The following EYS variants were observed in gnomAD, a reference collection of about 807,000 sequenced individuals.
EYS encodes the protein EGF-like photoreceptor maintenance factor.
EYS carries 250 observed loss-of-function variants against 282.1 expected under a neutral mutation model. The observed-to-expected ratio is 0.89, with a 90% CI of 0.80 to 0.98. EYS has a LOEUF of 0.98. EYS is among the 50% of genes least tolerant of loss of function. The pLI, the probability that EYS is intolerant of heterozygous loss-of-function variation, is 0.00. For missense variants in EYS, 4,016 were observed against 3,709.0 expected (o/e 1.08, Z -2.15); for synonymous variants, 1,355 against 1,282.9 (o/e 1.06, Z -1.20).
intron 2 of EYS, among the ~76,000 whole-genome samples, chr6:65,588,269 A>AT (rs945588598): frequency 3.3e-5 from 5 of 151,834 alleles, no homozygotes; most frequent in African/African-American, 9.7e-5. Flanking sequence ...ATTTTTACTG[A>AT]TTTTTTTCTC....
chr6:63,779,827 C>G (rs1770166479), intron 39 of EYS, among the ~76,000 whole-genome samples: 1 of 151,512 alleles, frequency 6.6e-6, no homozygotes, highest in African/African-American at 2.4e-5. Context: ...ATACATGTGC[C>G]ATGTTGGTGT....
At chr6:64,209,647 T>G (rs2150326727) in intron 31 of EYS, among the ~76,000 whole-genome samples, 1 of 152,344 alleles carries the variant, frequency 6.6e-6, no homozygotes, top group Non-Finnish European at 1.5e-5. Context: ...CAAGGCTGTT[T>G]TTTAAATCAA....
rs142521455 is a variant in EYS, at chr6:64,400,820, G to C, written c.5928-11980C>G. On this transcript the variant is annotated intron_variant, in intron 28 of 42. Transcript: ENST00000503581. Reference sequence around the variant, plus strand: ...TAATTGTATGTAAAACTCTCTTGAGGACCACTGGTGTTTGAACTACCTTTA... The same window carrying C: ...TAATTGTATGTAAAACTCTCTTGAGCACCACTGGTGTTTGAACTACCTTTA... Among the ~76,000 whole-genome samples the C allele has an allele frequency of 5.1e-3, 769 of 152,134 alleles. 3 individuals are homozygous for C. Among genetic ancestry groups the C allele is most frequent in the Middle Eastern group, 0.014 (4 of 294 alleles).
intron 5 of EYS, among the ~76,000 whole-genome samples, chr6:65,450,755 C>A (rs146580269): frequency 1.3e-5 from 2 of 152,270 alleles, no homozygotes; most frequent in East Asian, 3.9e-4. Flanking sequence ...CAATAGGATA[C>A]TCCCTGCGAA....
intron 1 of EYS, among the ~76,000 whole-genome samples, chr6:65,695,400 G>A (rs1769411375): frequency 6.6e-6 from 1 of 152,018 alleles, no homozygotes; most frequent in Non-Finnish European, 1.5e-5. Flanking sequence ...ACACAATTCT[G>A]TTATTAAACT....
At chr6:64,900,499 T>C (rs1025890197) in intron 18 of EYS, among the ~76,000 whole-genome samples, 2 of 152,062 alleles carry the variant, frequency 1.3e-5, no homozygotes, top group East Asian at 1.9e-4. Flanking sequence ...ATGGCTAATA[T>C]ACAGAATCCA....
At chr6:65,563,414 T>A (rs1769140587) in intron 2 of EYS, among the ~76,000 whole-genome samples, 1 of 152,134 alleles carries the variant, frequency 6.6e-6, no homozygotes, top group Non-Finnish European at 1.5e-5. Context: ...TTATATTTTT[T>A]ATTTTTGTTA....
chr6:63,977,024 A>C (rs879209932), intron 35 of EYS, among the ~76,000 whole-genome samples: 1 of 151,688 alleles, frequency 6.6e-6, no homozygotes, highest in Non-Finnish European at 1.5e-5. Flanking sequence ...GTTTTTTTTC[A>C]GGAGACCAGA....
intron 22 of EYS, among the ~76,000 whole-genome samples, chr6:64,646,226 T>G (rs1212225802): frequency 6.6e-6 from 1 of 152,164 alleles, no homozygotes; most frequent in East Asian, 1.9e-4. Flanking sequence ...TAGAGACATA[T>G]ATCGTATTTA....
At chr6:64,440,059 T>G (rs981357048) in intron 26 of EYS, among the ~76,000 whole-genome samples, 26 of 151,858 alleles carry the variant, frequency 1.7e-4, no homozygotes, top group African/African-American at 6.3e-4. Flanking sequence ...ACAATGGATT[T>G]GAATATCGCC....
intron 2 of EYS, among the ~76,000 whole-genome samples, chr6:65,509,409 C>T (rs925034197): frequency 1.1e-4 from 17 of 152,074 alleles, no homozygotes; most frequent in African/African-American, 3.1e-4. Context: ...TATGGGTGGT[C>T]TTTTTAACTT....
intron 33 of EYS, among the ~76,000 whole-genome samples, chr6:64,049,063 C>T (rs1465097115): frequency 6.6e-6 from 1 of 152,158 alleles, no homozygotes; most frequent in Non-Finnish European, 1.5e-5. Context: ...TCCCATGGCA[C>T]TTACAATCAG....
intron 12 of EYS, among the ~76,000 whole-genome samples, chr6:65,135,361 A>G (rs1775994069): frequency 6.6e-6 from 1 of 152,030 alleles, no homozygotes; most frequent in Admixed American, 6.6e-5. Flanking sequence ...AAAAAAATTA[A>G]TGTCACTGAA....
At chr6:65,338,782 G>C (rs565958719) in intron 10 of EYS, among the ~76,000 whole-genome samples, 3 of 150,860 alleles carry the variant, frequency 2.0e-5, no homozygotes, top group Non-Finnish European at 4.5e-5. Flanking sequence ...TTCCCTTTTT[G>C]ATAATTCATT....
intron 35 of EYS, among the ~76,000 whole-genome samples, chr6:63,970,623 A>G (rs941118640): frequency 6.8e-6 from 1 of 146,822 alleles, no homozygotes; most frequent in Non-Finnish European, 1.5e-5. Flanking sequence ...GGCCAGAGCA[A>G]GACTCCATCT....
chr6:64,120,777 T>G (rs1011604097), intron 31 of EYS, among the ~76,000 whole-genome samples: 9 of 152,282 alleles, frequency 5.9e-5, no homozygotes, highest in Middle Eastern at 3.4e-3. Flanking sequence ...ATTAGTTTTC[T>G]GTTGCTGCAT....
At chr6:64,622,164 G>A (rs763790513) in intron 23 of EYS, among the ~76,000 whole-genome samples, 1 of 152,066 alleles carries the variant, frequency 6.6e-6, no homozygotes, top group East Asian at 1.9e-4. Context: ...GATGAGTGAG[G>A]TCTGAAATCT....
Position 63,984,393 on chromosome 6 carries a change from T to C in EYS, c.7045A>G (p.Thr2349Ala). Residue 2349 changes from threonine to alanine, a missense_variant, in exon 35 of 43, where the codon ACC becomes GCC. Transcript: ENST00000503581. ...GAGACTAATACTGACCTGATGCAGG[T>C]GCCATTGTTGCGGCACAGATGATGA... ...CAHHLCRNNG[T>A]CISDNENLFC... is the part of the protein sequence containing the mutation. 1 of 1,547,780 alleles carries C rather than the reference T, an allele frequency of 6.5e-7. No individual in the cohort carries two copies. Among genetic ancestry groups the C allele is most frequent in the Non-Finnish European group, 8.7e-7 (1 of 1,143,880 alleles).
intron 2 of EYS, among the ~76,000 whole-genome samples, chr6:65,542,687 A>G (rs1474624275): frequency 1.3e-5 from 2 of 152,174 alleles, no homozygotes; most frequent in African/African-American, 4.8e-5. Context: ...GATGGCTCAA[A>G]GATGATTTAT....
Sources: allele counts gnomAD v4.1 joint callset (sites outside exome capture counted in the v4.1 genomes callset), GRCh38; gene constraint gnomAD v4.1.1; transcripts MANE v1.5; gene names NCBI Gene and HGNC (gene_info 2026-07-23, HGNC 2026-07-21).